The following FILIP1 variants were observed in gnomAD, a reference collection of about 807,000 sequenced individuals.
FILIP1 encodes filamin-A-interacting protein 1.
FILIP1 carries 61 observed loss-of-function variants against 102.1 expected under a neutral mutation model. The observed-to-expected ratio is 0.60, with a 90% CI of 0.49 to 0.74. FILIP1 has a LOEUF of 0.74. Among genes scored for constraint, FILIP1 ranks in the 30% least tolerant of loss-of-function variants. The pLI, the probability that FILIP1 is intolerant of heterozygous loss-of-function variation, is 0.00. For synonymous variants in FILIP1, 491 were observed against 526.9 expected, an observed-to-expected ratio of 0.93 and a Z score of 0.93; for missense variants, 1,314 against 1,441.2, an observed-to-expected ratio of 0.91 and a Z score of 1.43.
At chr6:75,311,111 A>T (rs1304000486) in intron 5 of FILIP1, among the ~76,000 whole-genome samples, 1 of 152,192 alleles carries the variant, frequency 6.6e-6, no homozygotes, top group African/African-American at 2.4e-5. Flanking sequence ...CTATAATTAC[A>T]TTTGCCAATT....
At chr6:75,347,126 A>G (rs1372978238) in intron 4 of FILIP1, among the ~76,000 whole-genome samples, 2 of 152,146 alleles carry the variant, frequency 1.3e-5, no homozygotes, top group Non-Finnish European at 2.9e-5. Flanking sequence ...TAAGGTGTTC[A>G]CTTTTATCAG....
intron 4 of FILIP1, among the ~76,000 whole-genome samples, chr6:75,339,939 C>T (rs751812211): frequency 2.0e-5 from 3 of 152,038 alleles, no homozygotes; most frequent in Non-Finnish European, 4.4e-5. Context: ...CAGAGCAAGA[C>T]TCTGTCTAAA....
At chr6:75,368,166 G>C (rs1175691101) in intron 2 of FILIP1, among the ~76,000 whole-genome samples, 1 of 152,140 alleles carries the variant, frequency 6.6e-6, no homozygotes. Context: ...CAAGAACAAG[G>C]ATGTTCCATA....
At chr6:75,339,855 G>A (rs1373097324) in intron 4 of FILIP1, among the ~76,000 whole-genome samples, 1 of 152,092 alleles carries the variant, frequency 6.6e-6, no homozygotes, top group Non-Finnish European at 1.5e-5. Context: ...GACTGAGGCA[G>A]GAGAATCGCT....
intron 1 of FILIP1, among the ~76,000 whole-genome samples, chr6:75,474,128 G>A (rs72877517): frequency 0.037 from 5,655 of 152,090 alleles, 176 homozygotes; most frequent in Non-Finnish European, 0.051. Flanking sequence ...AATGGTTACC[G>A]TTAATGTTAG....
chr6:75,383,528 C>G (rs58137896), intron 2 of FILIP1, among the ~76,000 whole-genome samples: 1,743 of 152,162 alleles, frequency 0.011, 40 homozygotes, highest in African/African-American at 0.04. Context: ...AGTGGTTAAA[C>G]AAAATGAAAC....
intron 2 of FILIP1, among the ~76,000 whole-genome samples, chr6:75,389,119 T>C (rs1776198704): frequency 6.6e-6 from 1 of 152,234 alleles, no homozygotes; most frequent in Admixed American, 6.5e-5. Context: ...TCTGCATCTA[T>C]TGAGTTAATC....
At chr6:75,388,283 G>C (rs1296871960) in intron 2 of FILIP1, among the ~76,000 whole-genome samples, 1 of 152,118 alleles carries the variant, frequency 6.6e-6, no homozygotes, top group Admixed American at 6.6e-5. Flanking sequence ...GGTTCCTATA[G>C]GCTTATAGTA....
Position 75,308,716 on chromosome 6 carries a change from G to T in FILIP1, c.3617C>A (p.Thr1206Asn). 1 of 1,613,336 alleles carries T rather than the reference G, an allele frequency of 6.2e-7. No homozygotes were observed. The highest frequency in any genetic ancestry group is 8.5e-7 in the Non-Finnish European group (1 of 1,180,000). The change falls in exon 6 of 6, where the codon ACC becomes AAC. Residue 1206 changes from threonine to asparagine, a missense_variant. Physicochemically the swap from Thr to Asn is moderately conservative, Grantham distance 65. Transcript: ENST00000237172. ...TCAGCCCTTCCCCCCTCCGAGAGAG[G>T]TGGTGCTGCTGGCTGCAGATTTCTT... ...ELKKSAASST[T>N]SLGGGKG
intron 4 of FILIP1, among the ~76,000 whole-genome samples, chr6:75,337,846 A>C (rs1774294205): frequency 6.6e-6 from 1 of 152,234 alleles, no homozygotes; most frequent in Admixed American, 6.5e-5. Context: ...TGGAAAGCTG[A>C]GTAAATCAGA....
rs143664846 is a variant in FILIP1 at position 75,478,814 on chromosome 6, G to A, written c.-7+14600C>T. ...ATCTACCAGTATCTACAAATACTAC[G>A]GTAAACCAATTTTTTTCAGAGTATT... On this transcript the variant is annotated intron_variant, in intron 1 of 5. Coordinates refer to ENST00000237172, the MANE Select transcript of FILIP1 (RefSeq NM_015687.5). Among the ~76,000 whole-genome samples, 150 of 152,212 alleles carry A rather than the reference G, an allele frequency of 9.9e-4. 1 individual carries two copies. The Middle Eastern group carries it at 0.027, about 28-fold the overall frequency.
At chr6:75,482,386 T>G (rs975343065) in intron 1 of FILIP1, among the ~76,000 whole-genome samples, 1 of 152,218 alleles carries the variant, frequency 6.6e-6, no homozygotes, top group Admixed American at 6.5e-5. Flanking sequence ...AGCTGTTGCT[T>G]TACCACTTGT....
chr6:75,416,521 A>G (rs544913387), intron 1 of FILIP1, among the ~76,000 whole-genome samples: 1 of 151,978 alleles, frequency 6.6e-6, no homozygotes, highest in South Asian at 2.1e-4. Flanking sequence ...GGCACTTTGG[A>G]ACAAACCTAC....
intron 4 of FILIP1, among the ~76,000 whole-genome samples, chr6:75,333,267 T>G (rs559366516): frequency 6.6e-6 from 1 of 152,138 alleles, no homozygotes; most frequent in Non-Finnish European, 1.5e-5. Context: ...TTTGAATTAT[T>G]ATGTTAACAT....
At chr6:75,431,205 T>C (rs1777812218) in intron 1 of FILIP1, among the ~76,000 whole-genome samples, 1 of 152,170 alleles carries the variant, frequency 6.6e-6, no homozygotes. Flanking sequence ...TAGTTACACA[T>C]CAAGAAAGTA....
chr6:75,450,275 G>C (rs962531130), intron 1 of FILIP1, among the ~76,000 whole-genome samples: 1 of 152,076 alleles, frequency 6.6e-6, no homozygotes, highest in Non-Finnish European at 1.5e-5. Context: ...ACCATGCCCA[G>C]GCTAAACTAA....
At chr6:75,362,974 C>T (rs529145029) in intron 2 of FILIP1, 57 bp from the exon 3 acceptor site, 1 of 1,538,750 alleles carries the variant, frequency 6.5e-7, no homozygotes, top group South Asian at 1.1e-5. Flanking sequence ...GCATACTGGG[C>T]TCAAAAAATC....
intron 1 of FILIP1, among the ~76,000 whole-genome samples, chr6:75,467,135 T>C (rs1048097342): frequency 6.6e-6 from 1 of 152,232 alleles, no homozygotes; most frequent in African/African-American, 2.4e-5. Flanking sequence ...TATGAAACCT[T>C]AAAAATTTAT....
At chr6:75,375,149 C>T (rs1562518869) in intron 2 of FILIP1, among the ~76,000 whole-genome samples, 3 of 152,234 alleles carry the variant, frequency 2.0e-5, no homozygotes, top group Admixed American at 6.5e-5. Flanking sequence ...GTAGCCCACC[C>T]CCATCGGCCC....
Sources: allele counts gnomAD v4.1 joint callset (sites outside exome capture counted in the v4.1 genomes callset), GRCh38; gene constraint gnomAD v4.1.1; transcripts MANE v1.5; gene names NCBI Gene and HGNC (gene_info 2026-07-23, HGNC 2026-07-21).